The following ARHGAP10 variants were observed in gnomAD, a reference collection of about 807,000 sequenced individuals.
ARHGAP10 encodes Rho GTPase activating protein 10.
ARHGAP10 carries 87 observed loss-of-function variants against 108.6 expected under a neutral mutation model. The observed-to-expected ratio is 0.80, with a 90% CI of 0.67 to 0.96. ARHGAP10 has a LOEUF of 0.96. ARHGAP10 is among the 40% of genes least tolerant of loss of function. The probability of loss-of-function intolerance (pLI) is 0.00; values close to 1 mark genes in which losing one functional copy is unlikely to be tolerated. For synonymous variants in ARHGAP10, 347 were observed against 341.1 expected (o/e 1.02, Z -0.19); for missense variants, 939 against 954.5 (o/e 0.98, Z 0.21).
At chr4:147,938,293 C>T (rs1246199271) in intron 13 of ARHGAP10, among the ~76,000 whole-genome samples, 2 of 152,024 alleles carry the variant, frequency 1.3e-5, no homozygotes, top group African/African-American at 4.8e-5. Flanking sequence ...ATGAAATAGT[C>T]TGTACAACAA....
At chr4:147,981,218 A>G (rs987249401) in intron 18 of ARHGAP10, among the ~76,000 whole-genome samples, 3 of 152,130 alleles carry the variant, frequency 2.0e-5, no homozygotes, top group Non-Finnish European at 4.4e-5. Context: ...TCCTCTTAAC[A>G]TTGCTTTTGC....
At chr4:147,968,430 C>G (rs1436809992) in intron 18 of ARHGAP10, among the ~76,000 whole-genome samples, 2 of 152,208 alleles carry the variant, frequency 1.3e-5, no homozygotes, top group Non-Finnish European at 2.9e-5. Context: ...GAGAAGCTGA[C>G]AGAAGTTATT....
At chr4:148,050,365 C>CTTTTTTTTTTT (rs11309245) in intron 20 of ARHGAP10, among the ~76,000 whole-genome samples, 2 of 59,306 alleles carry the variant, frequency 3.4e-5, no homozygotes, top group African/African-American at 5.7e-5. Context: ...TCATCATCAT[C>CTTTTTTTTTTT]TTTTTTTTTT....
chr4:147,860,907 C>A (rs1022972196), intron 5 of ARHGAP10: 2 of 152,244 alleles, frequency 1.3e-5, no homozygotes, highest in Non-Finnish European at 2.9e-5. Flanking sequence ...TGAAGGAAAT[C>A]ATTTTGTGAC....
chr4:147,876,572 G>A (rs1402030705), intron 8 of ARHGAP10, among the ~76,000 whole-genome samples: 1 of 151,974 alleles, frequency 6.6e-6, no homozygotes, highest in Non-Finnish European at 1.5e-5. Context: ...CAGCCTGGGT[G>A]ACAAAGCAAG....
At chr4:147,810,370 A>G (rs916781305) in intron 1 of ARHGAP10, among the ~76,000 whole-genome samples, 2 of 152,218 alleles carry the variant, frequency 1.3e-5, no homozygotes, top group Non-Finnish European at 2.9e-5. Context: ...CATTATCCCC[A>G]TTATTATCAT....
chr4:147,936,769 G>C (rs1000270500), intron 13 of ARHGAP10, among the ~76,000 whole-genome samples: 28 of 152,176 alleles, frequency 1.8e-4, no homozygotes, highest in African/African-American at 6.5e-4. Flanking sequence ...CTAATGAGAT[G>C]GAGAGTAATT....
chr4:148,007,453 G>A (rs940379901), intron 18 of ARHGAP10, among the ~76,000 whole-genome samples: 1 of 152,210 alleles, frequency 6.6e-6, no homozygotes, highest in African/African-American at 2.4e-5. Context: ...GGATTGCTCA[G>A]TAGCGAGAAG....
intron 1 of ARHGAP10, among the ~76,000 whole-genome samples, chr4:147,756,882 TG>T (rs1421530653): frequency 6.6e-6 from 1 of 150,500 alleles, no homozygotes; most frequent in Non-Finnish European, 1.5e-5. Flanking sequence ...GTTGTGTAAT[TG>T]TTTTTTTTTT....
chr4:147,870,340 C>T (rs1352639227), intron 7 of ARHGAP10, among the ~76,000 whole-genome samples: 1 of 152,106 alleles, frequency 6.6e-6, no homozygotes, highest in Non-Finnish European at 1.5e-5. Flanking sequence ...GGATTACAGG[C>T]GTGAGCCACC....
rs933500061 is a variant in ARHGAP10, at chr4:147,949,205, C to A, written c.1391+2501C>A. Among the ~76,000 whole-genome samples the A allele has an allele frequency of 2.6e-4, 39 of 152,180 alleles. No homozygotes were observed. In the East Asian group the frequency reaches 7.1e-3, roughly 28 times the overall value. ...AACTGTTATGTGCACTATTGTTATT[C>A]CTGATTGATAAAGGGATGTATACTT... On this transcript the variant is annotated intron_variant, in intron 15 of 22. Coordinates refer to ENST00000336498, the MANE Select transcript of ARHGAP10 (RefSeq NM_024605.4).
intron 3 of ARHGAP10, among the ~76,000 whole-genome samples, chr4:147,825,942 C>T (rs908279221): frequency 2.6e-5 from 4 of 152,030 alleles, no homozygotes; most frequent in African/African-American, 7.3e-5. Flanking sequence ...AGATTCTAGG[C>T]GGGGGTAGTG....
chr4:147,830,629 C>G (rs1041435545), intron 3 of ARHGAP10, among the ~76,000 whole-genome samples: 1 of 148,266 alleles, frequency 6.7e-6, no homozygotes, highest in African/African-American at 2.5e-5. Context: ...AAGTGATTAT[C>G]CTGCTTCAGC....
chr4:147,889,431 C>G lies in ARHGAP10; in HGVS notation c.1034+7499C>G, dbSNP rs144835990. ...TCTTCTGCCTCAGCCTCCCAGGTAGCTGGGATTACAGGCATACACCGCCAC... is the reference window on the plus strand; with the variant it reads ...TCTTCTGCCTCAGCCTCCCAGGTAGGTGGGATTACAGGCATACACCGCCAC... On this transcript the variant is annotated intron_variant, in intron 10 of 22. Coordinates refer to ENST00000336498, the MANE Select transcript of ARHGAP10 (RefSeq NM_024605.4). Among the ~76,000 whole-genome samples, 603 of 152,276 alleles carry G rather than the reference C, an allele frequency of 4.0e-3. 2 individuals are homozygous for G. Among genetic ancestry groups the G allele is most frequent in the African/African-American group, 0.012 (519 of 41,566 alleles).
chr4:147,971,093 CAA>C (rs59721708), intron 18 of ARHGAP10, among the ~76,000 whole-genome samples: 3,315 of 74,152 alleles, frequency 0.045, 48 homozygotes, highest in South Asian at 0.12. Flanking sequence ...GACTCTGTCT[CAA>C]AAAAAAAAAA....
intron 10 of ARHGAP10, among the ~76,000 whole-genome samples, chr4:147,892,692 G>GC (rs1735834481): frequency 6.6e-6 from 1 of 152,284 alleles, no homozygotes; most frequent in South Asian, 2.1e-4. Flanking sequence ...AGGAAGGGGG[G>GC]CCCAAGGCAA....
intron 1 of ARHGAP10, among the ~76,000 whole-genome samples, chr4:147,754,397 T>C (rs1231622482): frequency 2.6e-5 from 4 of 152,198 alleles, no homozygotes; most frequent in East Asian, 3.9e-4. Context: ...TTGGCCTTAG[T>C]TGAGTTGATG....
intron 3 of ARHGAP10, among the ~76,000 whole-genome samples, chr4:147,834,781 C>T (rs1733099526): frequency 1.3e-5 from 2 of 148,598 alleles, no homozygotes; most frequent in East Asian, 2.0e-4. Context: ...CCCACCCATC[C>T]GGCTTGCTTT....
At chr4:147,798,359 T>C (rs528486460) in intron 1 of ARHGAP10, among the ~76,000 whole-genome samples, 21 of 152,308 alleles carry the variant, frequency 1.4e-4, no homozygotes, top group Admixed American at 5.9e-4. Flanking sequence ...CCTCCTTAGA[T>C]TATAAACTCT....
Sources: gnomAD v4.1 joint callset for allele counts (sites outside exome capture counted in the v4.1 genomes callset) on GRCh38, gnomAD v4.1.1 for gene constraint, MANE v1.5 for transcripts, NCBI Gene and HGNC (gene_info 2026-07-23, HGNC 2026-07-21) for gene names.